Variants in PCDH9 observed in about 807,000 individuals in gnomAD.
PCDH9 encodes protocadherin 9.
Under a neutral mutation model 70.6 loss-of-function variants are expected in PCDH9, and 24 were observed. That is an observed-to-expected ratio of 0.34 (90% CI 0.25 to 0.48). PCDH9 has a LOEUF of 0.48. PCDH9 is among the 20% of genes least tolerant of loss of function. The probability of loss-of-function intolerance (pLI) is 0.99; values close to 1 mark genes in which losing one functional copy is unlikely to be tolerated. For missense variants in PCDH9, 1,281 were observed against 1,503.6 expected (o/e 0.85, Z 2.45); for synonymous variants, 562 against 558.5 (o/e 1.01, Z -0.09).
chr13:66,760,538 G>T, intron 3 of PCDH9, among the ~76,000 whole-genome samples: 1 of 152,098 alleles, frequency 6.6e-6, no homozygotes, highest in East Asian at 1.9e-4. Flanking sequence ...GTAAGCTGAG[G>T]ATGTATGTCA....
At chr13:66,859,447 T>G (rs978019747) in intron 3 of PCDH9, among the ~76,000 whole-genome samples, 6 of 152,146 alleles carry the variant, frequency 3.9e-5, no homozygotes, top group Admixed American at 3.3e-4. Flanking sequence ...TTAGGTTAGG[T>G]TGATTAATTG....
At chr13:66,327,743 G>T (rs1243115153) in intron 4 of PCDH9, among the ~76,000 whole-genome samples, 1 of 151,986 alleles carries the variant, frequency 6.6e-6, no homozygotes, top group African/African-American at 2.4e-5. Flanking sequence ...TGCATTATGA[G>T]GCTATTTGTG....
intron 2 of PCDH9, chr13:67,207,203 A>T (rs1358805900): frequency 6.6e-6 from 1 of 151,970 alleles, no homozygotes; most frequent in Non-Finnish European, 1.5e-5. Context: ...CTTTAAAAAA[A>T]GGTTAAAATG....
At chr13:67,014,398 C>T (rs1767976115) in intron 2 of PCDH9, among the ~76,000 whole-genome samples, 1 of 152,044 alleles carries the variant, frequency 6.6e-6, no homozygotes, top group African/African-American at 2.4e-5. Context: ...TCTTCTAGAA[C>T]TTTTATTCAC....
intron 2 of PCDH9, among the ~76,000 whole-genome samples, chr13:66,934,428 C>G (rs566602230): frequency 1.5e-3 from 224 of 151,066 alleles, no homozygotes; most frequent in African/African-American, 3.2e-3. Flanking sequence ...GCAATCCCAG[C>G]TACTTAGGAG....
intron 2 of PCDH9, among the ~76,000 whole-genome samples, chr13:67,059,813 T>C (rs1455530643): frequency 6.6e-6 from 1 of 151,846 alleles, no homozygotes; most frequent in African/African-American, 2.4e-5. Context: ...AGGTGTTTAC[T>C]GCCTTAACGG....
chr13:66,762,059 C>T (rs942738332), intron 3 of PCDH9, among the ~76,000 whole-genome samples: 3 of 152,030 alleles, frequency 2.0e-5, no homozygotes, highest in African/African-American at 7.3e-5. Context: ...AGATTCTGGG[C>T]AGGTTGTTTG....
At chr13:66,945,726 T>A (rs773621500) in intron 2 of PCDH9, among the ~76,000 whole-genome samples, 2 of 152,178 alleles carry the variant, frequency 1.3e-5, no homozygotes, top group African/African-American at 2.4e-5. Flanking sequence ...GTTATTTTCA[T>A]CTACTCTCTT....
intron 4 of PCDH9, among the ~76,000 whole-genome samples, chr13:66,512,418 G>A (rs1392159697): frequency 1.3e-5 from 2 of 151,896 alleles, no homozygotes; most frequent in African/African-American, 4.8e-5. Flanking sequence ...AATAGTTAAT[G>A]TTCCCTTTGA....
At chr13:67,094,873 T>C (rs1365151144) in intron 2 of PCDH9, among the ~76,000 whole-genome samples, 1 of 152,050 alleles carries the variant, frequency 6.6e-6, no homozygotes, top group African/African-American at 2.4e-5. Flanking sequence ...ACAGTGGACT[T>C]AGCAGTTTTT....
intron 4 of PCDH9, among the ~76,000 whole-genome samples, chr13:66,546,845 A>T (rs757182321): frequency 6.6e-6 from 1 of 152,130 alleles, no homozygotes; most frequent in Non-Finnish European, 1.5e-5. Context: ...CCATATGTTT[A>T]GGTACACAAA....
intron 2 of PCDH9, among the ~76,000 whole-genome samples, chr13:67,175,863 A>T (rs2088437038): frequency 6.6e-6 from 1 of 152,104 alleles, no homozygotes; most frequent in Non-Finnish European, 1.5e-5. Context: ...TTAGAGATGC[A>T]CCAAAATTCA....
chr13:66,537,595 C>T lies in PCDH9; in HGVS notation c.3340+93615G>A, dbSNP rs74812596. On this transcript the variant is annotated intron_variant, in intron 4 of 4. Coordinates refer to ENST00000377865, the MANE Select transcript of PCDH9 (RefSeq NM_203487.3). Reference sequence around the variant, plus strand: ...CCTGCAGTGCTGGAGCAGAGGGAAACGTGGGAGATATGTGGGGTAATGAGG... The same window carrying T: ...CCTGCAGTGCTGGAGCAGAGGGAAATGTGGGAGATATGTGGGGTAATGAGG... 3.7e-3 allele frequency among the ~76,000 whole-genome samples: 560 copies of T among 151,942 alleles called. 2 individuals carry two copies. Among genetic ancestry groups the T allele is most frequent in the African/African-American group, 0.013 (542 of 41,472 alleles).
At chr13:66,860,938 A>C (rs932998342) in intron 3 of PCDH9, among the ~76,000 whole-genome samples, 5 of 152,238 alleles carry the variant, frequency 3.3e-5, no homozygotes, top group African/African-American at 1.2e-4. Context: ...CCTAAAGGAA[A>C]TCATGACACA....
chr13:66,893,375 C>T (rs1019337654), intron 3 of PCDH9, among the ~76,000 whole-genome samples: 2 of 152,132 alleles, frequency 1.3e-5, no homozygotes, highest in Non-Finnish European at 1.5e-5. Flanking sequence ...CCATTTTTGT[C>T]AGAAGCCTTA....
intron 2 of PCDH9, among the ~76,000 whole-genome samples, chr13:66,955,616 A>G (rs1003164983): frequency 1.3e-5 from 2 of 152,286 alleles, no homozygotes; most frequent in South Asian, 4.1e-4. Context: ...ATGTGTAAAG[A>G]GGTCAACTAT....
At chr13:66,743,487 A>T (rs2139207020) in intron 3 of PCDH9, among the ~76,000 whole-genome samples, 1 of 127,604 alleles carries the variant, frequency 7.8e-6, no homozygotes. Flanking sequence ...TAAAACTTAA[A>T]GTATAATAAA....
intron 2 of PCDH9, among the ~76,000 whole-genome samples, chr13:67,061,409 CTA>C (rs752630044): frequency 2.0e-5 from 3 of 151,488 alleles, no homozygotes; most frequent in Admixed American, 6.6e-5. Flanking sequence ...CTCTCTCTCT[CTA>C]TATATATATG....
intron 4 of PCDH9, among the ~76,000 whole-genome samples, chr13:66,398,092 TG>T (rs1813945399): frequency 6.6e-6 from 1 of 152,120 alleles, no homozygotes; most frequent in African/African-American, 2.4e-5. Flanking sequence ...TTATATGACT[TG>T]TCCAATATTA....
Sources: gnomAD v4.1 joint callset for allele counts (sites outside exome capture counted in the v4.1 genomes callset) on GRCh38, gnomAD v4.1.1 for gene constraint, MANE v1.5 for transcripts, NCBI Gene and HGNC (gene_info 2026-07-23, HGNC 2026-07-21) for gene names.